SPOCK3: variants seen among roughly 807,000 people sequenced by gnomAD.
SPOCK3 encodes SPARC (osteonectin), cwcv and kazal like domains proteoglycan 3.
SPOCK3 carries 30 observed loss-of-function variants against 56.6 expected under a neutral mutation model. The ratio of observed to expected loss-of-function variants is 0.53; its 90% CI spans 0.40 to 0.72. The LOEUF is 0.72. Among genes scored for constraint, SPOCK3 ranks in the 30% least tolerant of loss-of-function variants. The probability of loss-of-function intolerance (pLI) is 0.00; values close to 1 mark genes in which losing one functional copy is unlikely to be tolerated. For missense variants in SPOCK3, 527 were observed against 530.0 expected, an observed-to-expected ratio of 0.99 and a Z score of 0.06; for synonymous variants, 196 against 183.3, an observed-to-expected ratio of 1.07 and a Z score of -0.56.
intron 6 of SPOCK3, among the ~76,000 whole-genome samples, chr4:166,887,214 G>C (rs1191760725): frequency 6.6e-6 from 1 of 152,056 alleles, no homozygotes; most frequent in Non-Finnish European, 1.5e-5. Flanking sequence ...CTTGTGATTG[G>C]TTATCATAAA....
intron 6 of SPOCK3, among the ~76,000 whole-genome samples, chr4:166,833,939 T>G (rs1366862124): frequency 6.6e-6 from 1 of 152,192 alleles, no homozygotes; most frequent in Non-Finnish European, 1.5e-5. Context: ...GGTCTTGTCT[T>G]TCCTCATGTA....
intron 3 of SPOCK3, among the ~76,000 whole-genome samples, chr4:167,013,680 T>A (rs1750317993): frequency 6.6e-6 from 1 of 151,950 alleles, no homozygotes; most frequent in Non-Finnish European, 1.5e-5. Context: ...ACTGAATATA[T>A]CTATGATTTA....
At chr4:166,767,102 G>T (rs986596726) in intron 7 of SPOCK3, among the ~76,000 whole-genome samples, 7 of 152,024 alleles carry the variant, frequency 4.6e-5, no homozygotes, top group South Asian at 2.1e-4. Context: ...ACTCTGGCTA[G>T]CAGTCTATCA....
At chr4:166,927,408 C>T (rs558813999) in intron 4 of SPOCK3, among the ~76,000 whole-genome samples, 28 of 152,158 alleles carry the variant, frequency 1.8e-4, no homozygotes, top group Non-Finnish European at 2.5e-4. Flanking sequence ...GCTGCCACCA[C>T]GTAAGGAGTG....
At chr4:167,206,127 C>A (rs933613134) in intron 2 of SPOCK3, among the ~76,000 whole-genome samples, 3 of 151,772 alleles carry the variant, frequency 2.0e-5, no homozygotes, top group African/African-American at 7.3e-5. Flanking sequence ...AGTTCGAGAC[C>A]AGCCTAGCTA....
chr4:166,797,557 G>A (rs1231627199), intron 6 of SPOCK3, among the ~76,000 whole-genome samples: 1 of 151,592 alleles, frequency 6.6e-6, no homozygotes, highest in Non-Finnish European at 1.5e-5. Flanking sequence ...CATTTGAAAG[G>A]CCAATTATGA....
chr4:167,018,958 G>A lies in SPOCK3; in HGVS notation c.236-18495C>T, dbSNP rs1434330561. 2.0e-5 allele frequency among the ~76,000 whole-genome samples: 3 copies of A among 152,094 alleles called. No homozygotes were observed. The East Asian group carries it at 5.8e-4, about 29-fold the overall frequency. ...GGCCAGAATCACCACTAGTTCTCAA[G>A]TCCCTCAAGATCAATGGGACACAAG... On this transcript the variant is annotated intron_variant, in intron 3 of 10. Coordinates refer to ENST00000357545, the MANE Select transcript of SPOCK3 (RefSeq NM_001040159.2).
intron 4 of SPOCK3, among the ~76,000 whole-genome samples, chr4:166,992,263 C>G (rs183035177): frequency 2.0e-5 from 3 of 152,134 alleles, no homozygotes; most frequent in African/African-American, 4.8e-5. Context: ...GTACTCCTTT[C>G]CATCATATGG....
intron 8 of SPOCK3, among the ~76,000 whole-genome samples, chr4:166,752,151 A>C (rs1736452018): frequency 6.6e-6 from 1 of 151,860 alleles, no homozygotes; most frequent in South Asian, 2.1e-4. Context: ...CAGATCCCCA[A>C]GTAGCTAGGA....
intron 2 of SPOCK3, among the ~76,000 whole-genome samples, chr4:167,203,730 AAG>A (rs1160783674): frequency 6.6e-6 from 1 of 152,048 alleles, no homozygotes; most frequent in African/African-American, 2.4e-5. Context: ...AATAAAGAAA[AAG>A]AGTGTAGCCC....
chr4:167,128,920 T>C (rs565810953), intron 2 of SPOCK3, among the ~76,000 whole-genome samples: 4 of 152,270 alleles, frequency 2.6e-5, no homozygotes, highest in African/African-American at 9.6e-5. Flanking sequence ...TGTATTATTG[T>C]GGGCACCTGG....
intron 2 of SPOCK3, among the ~76,000 whole-genome samples, chr4:167,068,801 A>G (rs1756401578): frequency 6.6e-6 from 1 of 151,968 alleles, no homozygotes; most frequent in African/African-American, 2.4e-5. Flanking sequence ...CAAGGAGCTC[A>G]GAATCTAATG....
chr4:166,985,597 C>A (rs148043875), intron 4 of SPOCK3, among the ~76,000 whole-genome samples: 1,677 of 152,128 alleles, frequency 0.011, 18 homozygotes, highest in Middle Eastern at 0.024. Flanking sequence ...GGAACCTGTT[C>A]TACAATATTA....
Position 167,157,618 on chromosome 4 carries a change from TAA to T in SPOCK3, c.189+76365_189+76366del, listed in dbSNP as rs35532827. Among the ~76,000 whole-genome samples, 9 of 147,796 alleles carry T rather than the reference TAA, an allele frequency of 6.1e-5. 1 individual carries two copies. The highest frequency in any genetic ancestry group is 2.0e-4 in the African/African-American group (8 of 40,288). The stretch of plus-strand genomic sequence containing the variant: ...ATTTTCAGATAGGAAAGGTTTTTTT[TAA>T]AAAAAAAAACACAATAAATCATTGT... On this transcript the variant is annotated intron_variant, in intron 2 of 10. Coordinates refer to ENST00000357545, the MANE Select transcript of SPOCK3 (RefSeq NM_001040159.2).
intron 2 of SPOCK3, among the ~76,000 whole-genome samples, chr4:167,152,720 T>C (rs1422318272): frequency 1.3e-5 from 2 of 152,184 alleles, no homozygotes; most frequent in African/African-American, 2.4e-5. Context: ...TTCTAAAAAG[T>C]AGGAAAAGTT....
intron 6 of SPOCK3, among the ~76,000 whole-genome samples, chr4:166,800,801 T>C (rs1466159611): frequency 1.1e-4 from 17 of 152,148 alleles, no homozygotes; most frequent in Admixed American, 9.2e-4. Flanking sequence ...ATATTTAGTA[T>C]AGCCCAAATA....
chr4:167,131,927 TTTGTAAG>T (rs146021181), intron 2 of SPOCK3, among the ~76,000 whole-genome samples: 2,251 of 152,314 alleles, frequency 0.015, 62 homozygotes, highest in African/African-American at 0.051. Flanking sequence ...TTTTAGGACA[TTTGTAAG>T]TATATGGTTG....
chr4:166,914,939 C>CT (rs950677984), intron 4 of SPOCK3, among the ~76,000 whole-genome samples: 3 of 151,634 alleles, frequency 2.0e-5, no homozygotes, highest in Non-Finnish European at 1.5e-5. Context: ...TGTTCATATT[C>CT]TTTTTTTTAT....
intron 8 of SPOCK3, among the ~76,000 whole-genome samples, chr4:166,750,166 A>G (rs1302714160): frequency 6.6e-6 from 1 of 152,088 alleles, no homozygotes; most frequent in Non-Finnish European, 1.5e-5. Flanking sequence ...ATTTTAAACT[A>G]TTTTCTTATT....
Sources: allele counts gnomAD v4.1 joint callset (sites outside exome capture counted in the v4.1 genomes callset), GRCh38; gene constraint gnomAD v4.1.1; transcripts MANE v1.5; gene names NCBI Gene and HGNC (gene_info 2026-07-23, HGNC 2026-07-21).